The following TRAM2 variants were observed in gnomAD, a reference collection of about 807,000 sequenced individuals.
TRAM2 encodes the protein translocating chain-associated membrane protein 2.
In TRAM2, 12 loss-of-function variants were observed where a neutral mutation model predicts 51.0. That is an observed-to-expected ratio of 0.24 (90% CI 0.15 to 0.38). TRAM2 has a LOEUF of 0.38. Ranked by LOEUF, TRAM2 falls within the 10% of genes least tolerant of loss-of-function variation. The pLI, the probability that TRAM2 is intolerant of heterozygous loss-of-function variation, is 1.00. For missense variants in TRAM2, 361 were observed against 462.0 expected (o/e 0.78, Z 2.00); for synonymous variants, 175 against 179.4 (o/e 0.98, Z 0.20).
chr6:52,574,059 C>A (rs13199373), intron 1 of TRAM2, among the ~76,000 whole-genome samples: 7 of 152,274 alleles, frequency 4.6e-5, no homozygotes, highest in Non-Finnish European at 7.4e-5. Flanking sequence ...TCCCCTTGCA[C>A]CTCTTCCTGC....
chr6:52,537,269 C>T (rs552882667), intron 1 of TRAM2, among the ~76,000 whole-genome samples: 1 of 152,320 alleles, frequency 6.6e-6, no homozygotes, highest in East Asian at 1.9e-4. Context: ...CAAGCCCTAT[C>T]CGAATATACA....
At chr6:52,561,798 G>C (rs1767506602) in intron 1 of TRAM2, among the ~76,000 whole-genome samples, 1 of 151,820 alleles carries the variant, frequency 6.6e-6, no homozygotes, top group South Asian at 2.1e-4. Context: ...CCTAGAGACG[G>C]AGTTTCACTG....
intron 1 of TRAM2, among the ~76,000 whole-genome samples, chr6:52,549,851 A>G (rs1767278116): frequency 6.6e-6 from 1 of 152,232 alleles, no homozygotes; most frequent in African/African-American, 2.4e-5. Context: ...AGAGTAGCTT[A>G]AAGTTAGATG....
Position 52,513,430 on chromosome 6 carries a change from G to A in TRAM2, c.411+2576C>T, listed in dbSNP as rs530902229. On this transcript the variant is annotated intron_variant, in intron 4 of 10. Coordinates refer to ENST00000182527, the MANE Select transcript of TRAM2 (RefSeq NM_012288.4). ...TACCAGGGATACAGCAGTGAGCACC[G>A]TGCCTGCTAGCAGGCAGCTCAGAAT... Among the ~76,000 whole-genome samples the A allele has an allele frequency of 2.6e-5, 4 of 152,266 alleles. No homozygotes were observed. In the East Asian group the frequency reaches 5.8e-4, roughly 22 times the overall value.
intron 5 of TRAM2, among the ~76,000 whole-genome samples, chr6:52,509,224 C>G (rs1272750592): frequency 6.6e-6 from 1 of 152,016 alleles, no homozygotes; most frequent in Non-Finnish European, 1.5e-5. Flanking sequence ...GTCAGGGGGT[C>G]GCCAAGAAGG....
intron 2 of TRAM2, among the ~76,000 whole-genome samples, chr6:52,518,735 GC>G (rs1766604964): frequency 6.6e-6 from 1 of 152,192 alleles, no homozygotes; most frequent in Admixed American, 6.5e-5. Context: ...GAGACTCATG[GC>G]CCAGCCTCTC....
chr6:52,566,119 C>G (rs1258177195), intron 1 of TRAM2, among the ~76,000 whole-genome samples: 1 of 152,102 alleles, frequency 6.6e-6, no homozygotes, highest in Non-Finnish European at 1.5e-5. Flanking sequence ...AGTGATAAAG[C>G]CATACGAAGG....
At chr6:52,549,979 C>T (rs192984042) in intron 1 of TRAM2, among the ~76,000 whole-genome samples, 87 of 152,196 alleles carry the variant, frequency 5.7e-4, no homozygotes, top group Admixed American at 1.2e-3. Flanking sequence ...TGCCTGTTGT[C>T]ATATATGAGG....
intron 1 of TRAM2, among the ~76,000 whole-genome samples, chr6:52,553,513 C>T (rs1767347811): frequency 1.3e-5 from 2 of 152,204 alleles, no homozygotes; most frequent in Non-Finnish European, 2.9e-5. Context: ...ATTTGTTCAT[C>T]TGCCTTGGCT....
In TRAM2 at chr6:52,518,054, C is replaced by T. The variant is rs574530410; in HGVS notation, c.185-1317G>A. Among the ~76,000 whole-genome samples, 51 of 152,292 alleles carry T rather than the reference C, an allele frequency of 3.3e-4. 1 individual carries two copies. Among genetic ancestry groups the T allele is most frequent in the African/African-American group, 1.2e-3 (48 of 41,554 alleles). On this transcript the variant is annotated intron_variant, in intron 2 of 10. Transcript: ENST00000182527. ...ACATGGAGATAAAAGACACCACCCC[C>T]GGTTGGAAAACATACAGTGCAGCAG...
At chr6:52,528,821 G>C (rs1766829560) in intron 2 of TRAM2, among the ~76,000 whole-genome samples, 1 of 151,994 alleles carries the variant, frequency 6.6e-6, no homozygotes. Context: ...GCAGCAGCAG[G>C]CAGGCTGAGC....
rs79567523 is a variant in TRAM2, at chr6:52,564,039, G to A, written c.120+12757C>T. ...CCCGAGAACCCAAAAGAGACAGCAG[G>A]GATAGAAAAGCTTCAAATGACCACC... is the stretch of plus-strand genomic sequence containing the variant. On this transcript the variant is annotated intron_variant, in intron 1 of 10. Coordinates refer to ENST00000182527, the MANE Select transcript of TRAM2 (RefSeq NM_012288.4). Among the ~76,000 whole-genome samples, 765 of 152,062 alleles carry A rather than the reference G, an allele frequency of 5.0e-3. 10 individuals are homozygous for A. Among genetic ancestry groups the A allele is most frequent in the African/African-American group, 0.017 (722 of 41,462 alleles).
At chr6:52,545,257 C>T (rs1025115364) in intron 1 of TRAM2, among the ~76,000 whole-genome samples, 3 of 151,924 alleles carry the variant, frequency 2.0e-5, no homozygotes, top group Non-Finnish European at 4.4e-5. Flanking sequence ...ATCAGACACC[C>T]TCGGCCATGG....
intron 1 of TRAM2, among the ~76,000 whole-genome samples, chr6:52,569,443 T>C (rs1005952460): frequency 6.6e-6 from 1 of 151,106 alleles, no homozygotes; most frequent in Non-Finnish European, 1.5e-5. Flanking sequence ...ACCAAATCTA[T>C]GGCATTTTTG....
chr6:52,554,523 A>AG (rs1296995486), intron 1 of TRAM2, among the ~76,000 whole-genome samples: 7 of 102,644 alleles, frequency 6.8e-5, no homozygotes, highest in South Asian at 3.6e-4. Flanking sequence ...CCATCTCAAA[A>AG]AAAAAAAAAA....
At chr6:52,522,910 T>C in intron 2 of TRAM2, 1 of 702,550 alleles carries the variant, frequency 1.4e-6, no homozygotes, top group South Asian at 1.5e-5. Flanking sequence ...TTCTCCTGCC[T>C]GCCTTTACAT....
intron 2 of TRAM2, among the ~76,000 whole-genome samples, chr6:52,518,319 T>C (rs1453395251): frequency 6.6e-6 from 1 of 152,172 alleles, no homozygotes; most frequent in African/African-American, 2.4e-5. Context: ...GGACTGAGGC[T>C]GGACTGCTGG....
At chr6:52,573,793 G>T (rs1767719631) in intron 1 of TRAM2, among the ~76,000 whole-genome samples, 1 of 152,184 alleles carries the variant, frequency 6.6e-6, no homozygotes, top group Non-Finnish European at 1.5e-5. Flanking sequence ...CAGTGAGTGG[G>T]GGAAAGAGCA....
chr6:52,518,076 G>A (rs553794465), intron 2 of TRAM2, among the ~76,000 whole-genome samples: 70 of 152,364 alleles, frequency 4.6e-4, no homozygotes, highest in African/African-American at 1.6e-3. Flanking sequence ...ATACAGTGCA[G>A]CAGGGAGACT....
Sources: allele counts gnomAD v4.1 joint callset (sites outside exome capture counted in the v4.1 genomes callset), GRCh38; gene constraint gnomAD v4.1.1; transcripts MANE v1.5; gene names NCBI Gene and HGNC (gene_info 2026-07-23, HGNC 2026-07-21).